The following CELF1 variants were observed in gnomAD, a reference collection of about 807,000 sequenced individuals.
The protein encoded by CELF1 is CUGBP Elav-like family member 1, also known as 50 kDa nuclear polyadenylated RNA-binding protein.
In CELF1, 10 loss-of-function variants were observed where a neutral mutation model predicts 61.8. The ratio of observed to expected loss-of-function variants is 0.16; its 90% CI spans 0.10 to 0.27. The LOEUF is 0.27. Among genes scored for constraint, CELF1 ranks in the 10% least tolerant of loss-of-function variants. The probability of loss-of-function intolerance (pLI) is 1.00; values close to 1 mark genes in which losing one functional copy is unlikely to be tolerated. For synonymous variants in CELF1, 236 were observed against 225.1 expected (o/e 1.05, Z -0.43); for missense variants, 380 against 639.1 (o/e 0.59, Z 4.37).
chr11:47,468,177 CCAGG>C lies in CELF1; in HGVS notation c.*4049_*4052del, dbSNP rs1451733257. On this transcript the variant is annotated 3_prime_UTR_variant, in exon 15 of 15. Coordinates refer to ENST00000687097, the MANE Select transcript of CELF1 (RefSeq NM_001376376.1). ...TGAGGGGAAGGGGCAGGCGGGATAT[CCAGG>C]ACTCCCCAGAGTCGCTCCAGGGAAG... 6.6e-6 allele frequency: 1 copy of C among 152,084 alleles called. No individual in the cohort carries two copies. Among genetic ancestry groups the C allele is most frequent in the Non-Finnish European group, 1.5e-5 (1 of 68,042 alleles). The allele number at this position is 152,084 out of a possible 1,614,324, so 9.4% of individuals were successfully genotyped here. A position where few individuals can be genotyped will look rare whatever the true frequency, so the allele number is the denominator to read the frequency against.
intron 1 of CELF1, among the ~76,000 whole-genome samples, chr11:47,503,262 G>T (rs1482373876): frequency 6.6e-6 from 1 of 152,144 alleles, no homozygotes; most frequent in Non-Finnish European, 1.5e-5. Flanking sequence ...AAAGAGAAAG[G>T]CTAGCAATCA....
At chr11:47,558,692 TAA>T (rs1193013792) in intron 2 of CELF1, among the ~76,000 whole-genome samples, 2 of 114,346 alleles carry the variant, frequency 1.7e-5, no homozygotes, top group Non-Finnish European at 3.3e-5. Flanking sequence ...ATATTATATA[TAA>T]TATATGTCAT....
At position 47,484,520 on chromosome 11, in the gene CELF1, A is replaced by C; in HGVS notation, c.395T>G (p.Val132Gly). 1 of 1,610,220 alleles carries C rather than the reference A, an allele frequency of 6.2e-7. No individual in the cohort carries two copies. ...KPADSEKNNA[V>G]EDRKLFIGMI... ...ACCAATAAACAGCTTCCTGTCTTCC[A>C]CTGCTAAGAGAGTAAAACAGAAAAG... Residue 132 changes from valine to glycine, a missense_variant, in exon 7 of 15, where the codon GTG becomes GGG. Transcript: ENST00000687097.
At chr11:47,489,932 C>CTTTTTTTTTTTTTTTTTTTTTTTTTTTTT (rs530410346) in intron 3 of CELF1, among the ~76,000 whole-genome samples, 2 of 23,474 alleles carry the variant, frequency 8.5e-5, no homozygotes, top group East Asian at 7.7e-4. Flanking sequence ...AACATACCAT[C>CTTTTTTTTTTTTTTTTTTTTTTTTTTTTT]TTGTTTTTTT....
chr11:47,522,247 C>T (rs1338389266), intron 1 of CELF1, among the ~76,000 whole-genome samples: 4 of 150,448 alleles, frequency 2.7e-5, no homozygotes, highest in African/African-American at 7.3e-5. Context: ...TGAAGTAGGC[C>T]GGGCATGGTG....
At chr11:47,490,902 C>G (rs1429798056) in intron 3 of CELF1, among the ~76,000 whole-genome samples, 4 of 150,928 alleles carry the variant, frequency 2.7e-5, no homozygotes, top group African/African-American at 9.8e-5. Context: ...CGCTCTGTCG[C>G]CCGGGCTGGA....
At chr11:47,525,637 A>C (rs1287371913) in intron 1 of CELF1, among the ~76,000 whole-genome samples, 3 of 152,220 alleles carry the variant, frequency 2.0e-5, no homozygotes, top group African/African-American at 7.2e-5. Flanking sequence ...TCGGTATCAT[A>C]GGGGCTACAG....
chr11:47,532,729 A>C (rs1400438879), intron 1 of CELF1, among the ~76,000 whole-genome samples: 1 of 152,130 alleles, frequency 6.6e-6, no homozygotes, highest in African/African-American at 2.4e-5. Flanking sequence ...AAATCTCTGA[A>C]GTTTCTAGCA....
At chr11:47,538,831 CT>C (rs2096702978) in intron 1 of CELF1, among the ~76,000 whole-genome samples, 1 of 152,110 alleles carries the variant, frequency 6.6e-6, no homozygotes, top group South Asian at 2.1e-4. Context: ...GAGCTTCCCC[CT>C]CTCCCTTATT....
chr11:47,472,162 A>T lies in CELF1; in HGVS notation c.*68T>A. The T allele has an allele frequency of 6.3e-7, 1 of 1,582,582 alleles. No individual in the cohort carries two copies. Among genetic ancestry groups the T allele is most frequent in the South Asian group, 1.1e-5 (1 of 89,130 alleles). On this transcript the variant is annotated 3_prime_UTR_variant, in exon 15 of 15. Coordinates refer to ENST00000687097, the MANE Select transcript of CELF1 (RefSeq NM_001376376.1). ...TCAACACACAGCCTCAGGGCTTCGA[A>T]TCATTAAGGGTGCTCCTCCCCCACT...
chr11:47,505,936 C>CAA (rs71457222), intron 1 of CELF1, among the ~76,000 whole-genome samples: 140 of 103,328 alleles, frequency 1.4e-3, no homozygotes, highest in East Asian at 5.9e-3. Flanking sequence ...ACTCTGTCTC[C>CAA]AAAAAAAAAA....
At chr11:47,537,345 T>G (rs755799803) in intron 1 of CELF1, among the ~76,000 whole-genome samples, 5 of 151,708 alleles carry the variant, frequency 3.3e-5, no homozygotes, top group Admixed American at 1.3e-4. Flanking sequence ...CCTCCTGGAT[T>G]CAAGCAATTC....
intron 3 of CELF1, 31 bp from the exon 4 acceptor site, chr11:47,489,055 G>A: frequency 1.4e-6 from 2 of 1,451,298 alleles, no homozygotes; most frequent in Non-Finnish European, 1.8e-6. Context: ...CTTCTATTAT[G>A]TAATAATGTT....
chr11:47,558,436 A>C (rs2097212343), intron 2 of CELF1, among the ~76,000 whole-genome samples: 1 of 132,630 alleles, frequency 7.5e-6, no homozygotes, highest in South Asian at 2.2e-4. Context: ...CCTCATATAT[A>C]TATTATATAT....
At chr11:47,535,754 A>G (rs1358946744) in intron 1 of CELF1, among the ~76,000 whole-genome samples, 1 of 149,958 alleles carries the variant, frequency 6.7e-6, no homozygotes, top group Non-Finnish European at 1.5e-5. Context: ...GCATGCCCAC[A>G]AGTTTTTTTG....
At chr11:47,500,971 G>C (rs1253963847) in intron 1 of CELF1, 39 bp from the exon 2 acceptor site, 1 of 397,466 alleles carries the variant, frequency 2.5e-6, no homozygotes, top group African/African-American at 2.1e-5. Flanking sequence ...TAAACACACA[G>C]AGTTAACGTT....
intron 1 of CELF1, among the ~76,000 whole-genome samples, chr11:47,540,978 G>C (rs1166012360): frequency 6.6e-6 from 1 of 152,152 alleles, no homozygotes; most frequent in Non-Finnish European, 1.5e-5. Flanking sequence ...ACCCGATCTA[G>C]CATGGTAAGT....
intron 2 of CELF1, among the ~76,000 whole-genome samples, chr11:47,500,191 CCTTG>C (rs1338935184): frequency 2.0e-5 from 3 of 152,078 alleles, no homozygotes; most frequent in Non-Finnish European, 2.9e-5. Flanking sequence ...AGTTGATCAG[CCTTG>C]CTTTTTTTTT....
intron 1 of CELF1, among the ~76,000 whole-genome samples, chr11:47,547,560 C>T (rs1454413711): frequency 6.6e-6 from 1 of 151,544 alleles, no homozygotes; most frequent in African/African-American, 2.4e-5. Context: ...GCCTGTAGTC[C>T]CAGCTACTCA....
Sources: allele counts gnomAD v4.1 joint callset (sites outside exome capture counted in the v4.1 genomes callset), GRCh38; gene constraint gnomAD v4.1.1; transcripts MANE v1.5; gene names NCBI Gene and HGNC (gene_info 2026-07-23, HGNC 2026-07-21).